DMXL2: variants seen among roughly 807,000 people sequenced by gnomAD.
DMXL2 encodes the protein dmX-like protein 2.
Under a neutral mutation model 331.1 loss-of-function variants are expected in DMXL2, and 103 were observed. That is an observed-to-expected ratio of 0.31 (90% CI 0.27 to 0.37). The LOEUF is 0.37. Among genes scored for constraint, DMXL2 ranks in the 10% least tolerant of loss-of-function variants. The pLI is 1.00. For missense variants in DMXL2, 3,171 were observed against 3,642.9 expected (o/e 0.87, Z 3.33); for synonymous variants, 1,281 against 1,252.1 (o/e 1.02, Z -0.49).
chr15:51,469,616 AATTTTCAGAACAT>A (rs2040912835), intron 29 of DMXL2, among the ~76,000 whole-genome samples: 1 of 152,176 alleles, frequency 6.6e-6, no homozygotes, highest in Non-Finnish European at 1.5e-5. Context: ...GCATTTTCCA[AATTTTCAGAACAT>A]ATATCAGGAG....
intron 17 of DMXL2, 63 bp downstream of exon 17, chr15:51,502,743 A>T: frequency 9.5e-7 from 1 of 1,057,764 alleles, no homozygotes; most frequent in Non-Finnish European, 1.5e-6. Flanking sequence ...TATTTTATCC[A>T]CTAAAGAGTT....
chr15:51,504,661 T>C (rs975474941), intron 16 of DMXL2, among the ~76,000 whole-genome samples: 1 of 152,216 alleles, frequency 6.6e-6, no homozygotes, highest in Non-Finnish European at 1.5e-5. Context: ...ATCTATCTTA[T>C]AATGGCAGGC....
At chr15:51,602,036 C>G (rs1224368954) in intron 1 of DMXL2, among the ~76,000 whole-genome samples, 1 of 152,034 alleles carries the variant, frequency 6.6e-6, no homozygotes, top group African/African-American at 2.4e-5. Context: ...ACAGTGATGT[C>G]TCTCCCACTT....
At chr15:51,514,402 G>A (rs972082777) in intron 15 of DMXL2, 40 bp downstream of exon 15, 2 of 1,163,538 alleles carry the variant, frequency 1.7e-6, no homozygotes, top group Non-Finnish European at 1.2e-6. Context: ...TCATTTTTTA[G>A]CATGAAGGTA....
chr15:51,564,610 T>C (rs2050158326), intron 4 of DMXL2, among the ~76,000 whole-genome samples: 1 of 152,108 alleles, frequency 6.6e-6, no homozygotes, highest in Non-Finnish European at 1.5e-5. Context: ...ATATAAGGCA[T>C]AACTACAAAT....
chr15:51,605,704 C>G (rs1187823983), intron 1 of DMXL2, among the ~76,000 whole-genome samples: 1 of 99,484 alleles, frequency 1.0e-5, no homozygotes, highest in Admixed American at 1.1e-4. Flanking sequence ...CCACCGCGCC[C>G]GGCTAATATT....
chr15:51,602,868 G>A (rs7174435), intron 1 of DMXL2, among the ~76,000 whole-genome samples: 72,847 of 151,996 alleles, frequency 0.48, 17,837 homozygotes, highest in Non-Finnish European at 0.52. Context: ...GCCCAGAGTC[G>A]CATAACGTAA....
At chr15:51,597,161 G>C (rs1024258836) in intron 1 of DMXL2, among the ~76,000 whole-genome samples, 2 of 152,168 alleles carry the variant, frequency 1.3e-5, no homozygotes, top group Non-Finnish European at 2.9e-5. Flanking sequence ...TAAATTCAGA[G>C]GTGTACCTAA....
chr15:51,471,703 G>C (rs1052048235), intron 28 of DMXL2, among the ~76,000 whole-genome samples: 2 of 152,302 alleles, frequency 1.3e-5, no homozygotes, highest in South Asian at 4.1e-4. Context: ...GTGAGTGATT[G>C]ACTGATTATC....
At chr15:51,569,917 G>C (rs995330543) in intron 2 of DMXL2, among the ~76,000 whole-genome samples, 2 of 152,086 alleles carry the variant, frequency 1.3e-5, no homozygotes, top group Non-Finnish European at 2.9e-5. Flanking sequence ...GCCAGCAAGG[G>C]AACAAAACTG....
At chr15:51,456,038 A>G (rs773409612) in intron 39 of DMXL2, 28 bp downstream of exon 39, 1 of 1,610,116 alleles carries the variant, frequency 6.2e-7, no homozygotes, top group Non-Finnish European at 8.5e-7. Context: ...TTTTCAGATG[A>G]ATTCAGCAGT....
At chr15:51,506,860 T>C (rs1191376519) in intron 16 of DMXL2, among the ~76,000 whole-genome samples, 1 of 152,194 alleles carries the variant, frequency 6.6e-6, no homozygotes, top group Non-Finnish European at 1.5e-5. Flanking sequence ...TCTAGAACAG[T>C]CATAATGTAC....
rs144241909 is a variant in DMXL2 at position 51,481,132 on chromosome 15, C to T, written c.5974G>A (p.Asp1992Asn). The T allele has an allele frequency of 2.2e-4, 362 of 1,611,764 alleles. No individual in the cohort carries two copies. Among genetic ancestry groups the T allele is most frequent in the Non-Finnish European group, 2.8e-4 (326 of 1,178,306 alleles). Residue 1992 changes from aspartate to asparagine, a missense_variant, in exon 24 of 44, where the codon GAT (aspartate) becomes AAT (asparagine). Asp to Asn is a conservative substitution (Grantham distance 23, BLOSUM62 1). Around this residue, in one of 7 missense-constraint regions of DMXL2, gnomAD observed 244 missense variants for 251.4 expected, o/e 0.97. Coordinates refer to ENST00000560891, the MANE Select transcript of DMXL2 (RefSeq NM_001378457.1). ...HDSALDEEED[D>N]AVGLVMKSTD... ...CTTTTCATCACTAAACCAACAGCAT[C>T]GTCTTCCTCTTCATCTAAGGCACTG...
At chr15:51,530,319 C>G (rs1239142731) in intron 13 of DMXL2, among the ~76,000 whole-genome samples, 1 of 152,098 alleles carries the variant, frequency 6.6e-6, no homozygotes, top group African/African-American at 2.4e-5. Context: ...CATGATCTTA[C>G]ATCTGGAAAC....
intron 1 of DMXL2, among the ~76,000 whole-genome samples, chr15:51,583,106 C>CTTTTTTTTTTTTTTTTTTTTTT (rs57226377): frequency 1.1e-5 from 1 of 87,180 alleles, no homozygotes; most frequent in Non-Finnish European, 2.5e-5. Context: ...CTTCATTCTT[C>CTTTTTTTTTTTTTTTTTTTTTT]TTTTTTTTTT....
At position 51,491,599 on chromosome 15, in the gene DMXL2, CG is replaced by C; in HGVS notation, c.4931del (p.Thr1644SerfsTer21). 1 of 1,602,276 alleles carries C rather than the reference CG, an allele frequency of 6.2e-7. No homozygotes were observed. The highest frequency in any genetic ancestry group is 8.5e-7 in the Non-Finnish European group (1 of 1,176,742). On this transcript the variant is annotated frameshift_variant, in exon 20 of 44. Coordinates refer to ENST00000560891, the MANE Select transcript of DMXL2 (RefSeq NM_001378457.1). LOFTEE classifies it high-confidence loss of function. ...TTACCTTTTCAATGCATCTTCGAAG[CG>C]TGTTAATGTTCCTCACCCACCATCC... The part of the protein sequence containing the change: ...GIGWWVRNIN[T>X]LRRCIEKVAK...
intron 1 of DMXL2, among the ~76,000 whole-genome samples, chr15:51,606,881 G>A (rs180964307): frequency 9.8e-5 from 15 of 152,294 alleles, no homozygotes; most frequent in African/African-American, 1.9e-4. Context: ...ACATGGGGCC[G>A]GGCAAGGTGG....
intron 1 of DMXL2, among the ~76,000 whole-genome samples, chr15:51,617,871 C>G (rs1024664600): frequency 3.9e-5 from 6 of 152,106 alleles, no homozygotes; most frequent in Non-Finnish European, 7.4e-5. Flanking sequence ...TTGCTACAAG[C>G]AAGAAGGCTA....
Position 51,507,252 on chromosome 15 carries a change from T to A in DMXL2, c.2646A>T (p.Gly882=). 3 of 1,603,846 alleles carry A rather than the reference T, an allele frequency of 1.9e-6. No individual in the cohort carries two copies. The highest frequency in any genetic ancestry group is 2.5e-6 in the Non-Finnish European group (3 of 1,176,696). Residue 882 remains glycine (G), a splice_region_variant and synonymous_variant, in exon 16 of 44, where the codon GGA becomes GGT. Coordinates refer to ENST00000560891, the MANE Select transcript of DMXL2 (RefSeq NM_001378457.1). ...ETEIFFQPSQ[G]YRPPPFSEKF... is the part of the protein sequence containing the mutation. ...TTTCTGAAAATGGTGGTGGGCGGTA[T>A]CCTATTATTCAAAGGAAAAGGATAT...
Sources: gnomAD v4.1 joint callset for allele counts (sites outside exome capture counted in the v4.1 genomes callset) on GRCh38, gnomAD v4.1.1 for gene constraint, gnomAD v4.1.1 regional missense constraint, MANE v1.5 for transcripts, NCBI Gene and HGNC (gene_info 2026-07-23, HGNC 2026-07-21) for gene names.